Variants in ITGAL observed in about 807,000 individuals in gnomAD.
The protein encoded by ITGAL is integrin alpha-L.
A neutral mutation model predicts 138.4 loss-of-function variants in ITGAL; 68 were observed. The observed-to-expected ratio is 0.49, with a 90% CI of 0.40 to 0.60. The LOEUF is 0.60. ITGAL is among the 20% of genes least tolerant of loss of function. ITGAL has a pLI of 0.00. For synonymous variants in ITGAL, 561 were observed against 584.3 expected (o/e 0.96, Z 0.57); for missense variants, 1,256 against 1,478.6 (o/e 0.85, Z 2.47).
chr16:30,483,434 C>A (rs1403574747), intron 7 of ITGAL, among the ~76,000 whole-genome samples: 2 of 152,160 alleles, frequency 1.3e-5, no homozygotes, highest in Non-Finnish European at 2.9e-5. Context: ...AAGAGTGACT[C>A]CCCAGTTTTC....
intron 6 of ITGAL, among the ~76,000 whole-genome samples, chr16:30,480,341 G>T (rs2050535371): frequency 1.3e-5 from 2 of 152,178 alleles, no homozygotes; most frequent in African/African-American, 2.4e-5. Flanking sequence ...CCTATGGAAA[G>T]CTCCTAAGTT....
Position 30,507,510 on chromosome 16 carries a change from C to T in ITGAL, c.2508+654C>T, listed in dbSNP as rs535620935. On this transcript the variant is annotated intron_variant, in intron 21 of 30. Transcript: ENST00000356798. ...AAAAAACCCACAAAAATTATCCAGG[C>T]GAGGTGGTGTGCGGCTGTAATCCCA... Among the ~76,000 whole-genome samples, 5 of 150,470 alleles carry T rather than the reference C, an allele frequency of 3.3e-5. No homozygotes were observed. The South Asian group carries it at 1.1e-3, about 32-fold the overall frequency.
chr16:30,521,532 C>T lies in ITGAL; in HGVS notation c.3380C>T (p.Ala1127Val), dbSNP rs772825780. The T allele has an allele frequency of 1.6e-5, 26 of 1,614,080 alleles. No individual in the cohort carries two copies. The highest frequency in any genetic ancestry group is 1.3e-4 in the East Asian group (6 of 44,904). Residue 1127 changes from alanine to valine, a missense_variant, in exon 31 of 31, where the codon GCT (alanine) becomes GTT (valine). Physicochemically the swap from Ala to Val is moderately conservative, Grantham distance 64. Coordinates refer to ENST00000356798, the MANE Select transcript of ITGAL (RefSeq NM_002209.3). Reference protein sequence around the residue: ...FKRNLKEKMEAGRGVPNGIPA... With the variant: ...FKRNLKEKMEVGRGVPNGIPA... The stretch of plus-strand genomic sequence containing the variant: ...CGGAACCTGAAGGAGAAGATGGAGG[C>T]TGGCAGAGGTGTCCCGAATGGAATC...
intron 9 of ITGAL, among the ~76,000 whole-genome samples, chr16:30,487,390 G>T (rs2050663191): frequency 6.6e-6 from 1 of 152,050 alleles, no homozygotes; most frequent in African/African-American, 2.4e-5. Context: ...ACTGTGCCCA[G>T]CCCATGAAGA....
Position 30,479,377 on chromosome 16 carries a change from G to A in ITGAL, c.492G>A (p.Ser164=), listed in dbSNP as rs2050521502. Reference sequence around the variant, plus strand: ...ACCTGGTATTTCTGTTTGATGGTTCGATGAGCTTGCAGCCAGATGAATTTC... The same window carrying A: ...ACCTGGTATTTCTGTTTGATGGTTCAATGAGCTTGCAGCCAGATGAATTTC... ...NVDLVFLFDG[S]MSLQPDEFQK... Residue 164 remains serine, a synonymous_variant, in exon 6 of 31, where the codon TCG becomes TCA. Transcript: ENST00000356798. 2.5e-6 allele frequency: 4 copies of A among 1,613,972 alleles called. No homozygotes were observed. The highest frequency in any genetic ancestry group is 1.7e-5 in the Admixed American group (1 of 59,984).
Position 30,513,859 on chromosome 16 carries a change from A to C in ITGAL, c.2862+13A>C, listed in dbSNP as rs766466302. On this transcript the variant is annotated intron_variant, in intron 25 of 30. Coordinates refer to ENST00000356798, the MANE Select transcript of ITGAL (RefSeq NM_002209.3). ...GCACATGTACCAGGTATGAATCCCA[A>C]TGTGGAAGGTCCTTATAGGTCACAC... The C allele has an allele frequency of 1.3e-6, 2 of 1,586,532 alleles. No individual in the cohort carries two copies. Among genetic ancestry groups the C allele is most frequent in the African/African-American group, 2.7e-5 (2 of 74,270 alleles).
Position 30,472,915 on chromosome 16 carries a change from G to T in ITGAL, c.61+17G>T. 6.2e-7 allele frequency: 1 copy of T among 1,610,406 alleles called. No individual in the cohort carries two copies. The highest frequency in any genetic ancestry group is 8.5e-7 in the Non-Finnish European group (1 of 1,177,738). On this transcript the variant is annotated intron_variant, in intron 1 of 30. Coordinates refer to ENST00000356798, the MANE Select transcript of ITGAL (RefSeq NM_002209.3). ...TTTTCTTCGGTAGGCAAGGGAGGAG[G>T]CAGGGGAAGGGACATGTGTCTGTGA...
chr16:30,513,765 C>T lies in ITGAL; in HGVS notation c.2787-6C>T. ...TTCTTCCATCGCTGCCCTTCTCTCTCCGCAGCCAAGAAGACTCCACACTCT... is the reference window on the plus strand; with the variant it reads ...TTCTTCCATCGCTGCCCTTCTCTCTTCGCAGCCAAGAAGACTCCACACTCT... On this transcript the variant is annotated splice_polypyrimidine_tract_variant and splice_region_variant and intron_variant, in intron 24 of 30. Coordinates refer to ENST00000356798, the MANE Select transcript of ITGAL (RefSeq NM_002209.3). The T allele has an allele frequency of 6.2e-7, 1 of 1,612,536 alleles. No homozygotes were observed. Among genetic ancestry groups the T allele is most frequent in the Non-Finnish European group, 8.5e-7 (1 of 1,178,632 alleles).
intron 4 of ITGAL, among the ~76,000 whole-genome samples, chr16:30,478,775 C>T (rs993471719): frequency 1.3e-5 from 2 of 150,242 alleles, no homozygotes; most frequent in Non-Finnish European, 3.0e-5. Flanking sequence ...TTGGCTGGAA[C>T]ACAGAAAAAG....
In ITGAL at chr16:30,519,978, C is replaced by T; in HGVS notation, c.3339+11C>T. 1.9e-6 allele frequency: 3 copies of T among 1,585,084 alleles called. No homozygotes were observed. Among genetic ancestry groups the T allele is most frequent in the Non-Finnish European group, 2.6e-6 (3 of 1,158,846 alleles). ...ATAGTGCTGTACAAGGTGGGTGCCT[C>T]CGGGGGTCACAGGCATTGCTGAGAC... On this transcript the variant is annotated intron_variant, in intron 30 of 30. Transcript: ENST00000356798.
intron 22 of ITGAL, 65 bp downstream of exon 22, chr16:30,510,536 G>A (rs2151170960): frequency 4.3e-6 from 4 of 940,822 alleles, no homozygotes; most frequent in East Asian, 4.8e-5. Context: ...AGGGCAGGGA[G>A]CTCTTGGCTC....
At position 30,494,212 on chromosome 16, in the gene ITGAL, G is replaced by C. The variant is rs1278725275; in HGVS notation, c.1214G>C (p.Gly405Ala). 6.2e-7 allele frequency: 1 copy of C among 1,603,932 alleles called. No homozygotes were observed. The highest frequency in any genetic ancestry group is 2.2e-5 in the East Asian group (1 of 44,728). ...LTPEVRAGYL[G>A]YTVTWLPSRQ... The stretch of plus-strand genomic sequence containing the variant: ...TCCACACCCCACACACTTTCCTCAG[G>C]TTACACCGTGACCTGGCTGCCCTCC... The change falls in exon 12 of 31, where the codon GGT becomes GCT. Residue 405 changes from glycine to alanine, a missense_variant and splice_region_variant. Physicochemically the swap from Gly to Ala is moderately conservative, Grantham distance 60 (BLOSUM62 0). This residue lies in a region of ITGAL where 867 missense variants were observed against 972.5 expected (regional missense o/e 0.89). Transcript: ENST00000356798. The surrounding 1 kb of genome is among the most constrained non-coding windows in gnomAD (Gnocchi z 4.2).
Position 30,499,147 on chromosome 16 carries a change from T to C in ITGAL, c.1906T>C (p.Cys636Arg). ...TGAGATCCCAGTGCATGAAGTGGAG[T>C]GCTCCTATTCAACCAGTAACAAGAT... ...PAEIPVHEVE[C>R]SYSTSNKMKE... is the part of the protein sequence containing the mutation. The change falls in exon 16 of 31, where the codon TGC (cysteine) becomes CGC (arginine). Residue 636 changes from cysteine (C) to arginine (R), a missense_variant. Cys to Arg is a radical substitution (Grantham distance 180). Coordinates refer to ENST00000356798, the MANE Select transcript of ITGAL (RefSeq NM_002209.3). 1 of 1,613,804 alleles carries C rather than the reference T, an allele frequency of 6.2e-7. No homozygotes were observed. Among genetic ancestry groups the C allele is most frequent in the Non-Finnish European group, 8.5e-7 (1 of 1,179,882 alleles).
intron 4 of ITGAL, among the ~76,000 whole-genome samples, chr16:30,477,720 C>A (rs1400913673): frequency 2.0e-5 from 3 of 147,730 alleles, no homozygotes; most frequent in African/African-American, 7.5e-5. Flanking sequence ...AAAATGCCAT[C>A]TCTACAAAAA....
At position 30,511,046 on chromosome 16, in the gene ITGAL, G is replaced by C; in HGVS notation, c.2700-4G>C. ...ACACTGGCCTCTTCCTTGCCCCAATGCAGTAACAATGAGGACTCAGACCTC... is the reference window on the plus strand; with the variant it reads ...ACACTGGCCTCTTCCTTGCCCCAATCCAGTAACAATGAGGACTCAGACCTC... On this transcript the variant is annotated splice_polypyrimidine_tract_variant and splice_region_variant and intron_variant, in intron 23 of 30. Transcript: ENST00000356798. 6.2e-7 allele frequency: 1 copy of C among 1,613,712 alleles called. No individual in the cohort carries two copies. Among genetic ancestry groups the C allele is most frequent in the Non-Finnish European group, 8.5e-7 (1 of 1,179,672 alleles).
At chr16:30,510,792 G>A in intron 22 of ITGAL, 89 bp from the exon 23 acceptor site, 1 of 1,057,090 alleles carries the variant, frequency 9.5e-7, no homozygotes, top group South Asian at 1.3e-5. Flanking sequence ...TTGATAAGGG[G>A]TCCCTGAGAT....
At chr16:30,502,935 C>T (rs1266012745) in intron 17 of ITGAL, among the ~76,000 whole-genome samples, 1 of 151,780 alleles carries the variant, frequency 6.6e-6, no homozygotes, top group Non-Finnish European at 1.5e-5. Context: ...CCACCACATC[C>T]TACCAAGTAG....
In ITGAL at chr16:30,522,535, G is replaced by A. The variant is rs1196986487; in HGVS notation, c.*870G>A. On this transcript the variant is annotated 3_prime_UTR_variant, in exon 31 of 31. Transcript: ENST00000356798. The surrounding 1 kb of genome is among the most constrained non-coding windows in gnomAD (Gnocchi z 4.0). ...TAGCAGCTATCTCTCAGTGAACTGT[G>A]AGGGTAAAGGCTATACTTGTCTTGT... 1 of 152,214 alleles carries A rather than the reference G, an allele frequency of 6.6e-6. No individual in the cohort carries two copies. The highest frequency in any genetic ancestry group is 1.9e-4 in the East Asian group (1 of 5,200). 9.4% of individuals were successfully genotyped at this position (152,214 alleles called of 1,614,324 possible).
At chr16:30,480,723 GC>G (rs2050540285) in intron 6 of ITGAL, 1 of 152,276 alleles carries the variant, frequency 6.6e-6, no homozygotes, top group Admixed American at 6.6e-5. Flanking sequence ...ATTGAGCCAG[GC>G]ATAGTGGCTC....
Sources: allele counts gnomAD v4.1 joint callset (sites outside exome capture counted in the v4.1 genomes callset), GRCh38; gene constraint gnomAD v4.1.1; regional missense constraint gnomAD v4.1.1; non-coding constraint Gnocchi (gnomAD v3.1); transcripts MANE v1.5; gene names NCBI Gene and HGNC (gene_info 2026-07-23, HGNC 2026-07-21).